Variants in ARHGEF33 observed in about 807,000 individuals in gnomAD.
The protein encoded by ARHGEF33 is Rho guanine nucleotide exchange factor 33.
A neutral mutation model predicts 101.9 loss-of-function variants in ARHGEF33; 72 were observed. The ratio of observed to expected loss-of-function variants is 0.71; its 90% CI spans 0.58 to 0.86. ARHGEF33 has a LOEUF of 0.86. ARHGEF33 is among the 40% of genes least tolerant of loss of function. The pLI, the probability that ARHGEF33 is intolerant of heterozygous loss-of-function variation, is 0.00. For missense variants in ARHGEF33, 1,169 were observed against 1,111.3 expected (o/e 1.05, Z -0.74); for synonymous variants, 499 against 442.5 (o/e 1.13, Z -1.60).
At chr2:38,901,076 C>T (rs1276978494) in intron 2 of ARHGEF33, among the ~76,000 whole-genome samples, 1 of 152,104 alleles carries the variant, frequency 6.6e-6, no homozygotes, top group African/African-American at 2.4e-5. Context: ...ATTTAGGATA[C>T]CCCACTCTCA....
chr2:38,925,955 T>C (rs1007574142), intron 4 of ARHGEF33, among the ~76,000 whole-genome samples: 1 of 151,042 alleles, frequency 6.6e-6, no homozygotes, highest in Non-Finnish European at 1.5e-5. Context: ...GGATCTTTCA[T>C]GAAAAAAAAA....
chr2:38,960,661 C>T lies in ARHGEF33; in HGVS notation c.2343+13C>T, dbSNP rs777670751. The T allele has an allele frequency of 1.4e-6, 2 of 1,397,596 alleles. No homozygotes were observed. Among genetic ancestry groups the T allele is most frequent in the South Asian group, 2.6e-5 (2 of 76,510 alleles). The allele number at this position is 1,397,596 out of a possible 1,614,324, so 86.6% of individuals were successfully genotyped here. On this transcript the variant is annotated intron_variant, in intron 16 of 17. Transcript: ENST00000409978. ...GGAAGTAAGGAGGGTAAAGTAAAAC[C>T]GAACCGAAACCCACAGCGTCGACGG...
chr2:38,968,030 T>C lies in ARHGEF33; in HGVS notation c.2483+1885T>C, dbSNP rs531592221. On this transcript the variant is annotated intron_variant, in intron 17 of 17. Transcript: ENST00000409978. ...ACTGTCATTTATAATGACTGGGTGCTGTCTATTGGAAAACAATGAGCAATA... is the reference window on the plus strand; with the variant it reads ...ACTGTCATTTATAATGACTGGGTGCCGTCTATTGGAAAACAATGAGCAATA... Among the ~76,000 whole-genome samples, 6 of 151,170 alleles carry C rather than the reference T, an allele frequency of 4.0e-5. No homozygotes were observed. In the East Asian group the frequency reaches 1.2e-3, roughly 30 times the overall value.
chr2:38,905,380 G>A (rs1182446348), intron 2 of ARHGEF33, among the ~76,000 whole-genome samples: 2 of 152,186 alleles, frequency 1.3e-5, no homozygotes, highest in African/African-American at 2.4e-5. Flanking sequence ...GGAGGGCTGG[G>A]GAAGGGAGGC....
chr2:38,961,545 C>CCCTT, intron 16 of ARHGEF33, among the ~76,000 whole-genome samples: 1 of 152,288 alleles, frequency 6.6e-6, no homozygotes, highest in South Asian at 2.1e-4. Context: ...TGTGCGACCA[C>CCCTT]CCTTCCGTTC....
chr2:38,957,421 G>A (rs1026791133), intron 14 of ARHGEF33, among the ~76,000 whole-genome samples: 2 of 152,172 alleles, frequency 1.3e-5, no homozygotes, highest in Admixed American at 6.5e-5. Context: ...TGTGTGTCAG[G>A]CACTGTTCCA....
At chr2:38,898,368 C>T (rs1372944798) in intron 2 of ARHGEF33, among the ~76,000 whole-genome samples, 3 of 152,176 alleles carry the variant, frequency 2.0e-5, no homozygotes, top group Non-Finnish European at 2.9e-5. Flanking sequence ...TGCAGTAAGT[C>T]CCATGCACAG....
chr2:38,931,006 C>T, intron 6 of ARHGEF33, 103 bp from the exon 7 acceptor site: 2 of 890,814 alleles, frequency 2.2e-6, no homozygotes, highest in Non-Finnish European at 3.3e-6. Context: ...ATAGTTCAAC[C>T]TAATAATTCA....
intron 16 of ARHGEF33, among the ~76,000 whole-genome samples, chr2:38,961,187 A>AGG (rs1667929500): frequency 1.3e-5 from 2 of 152,184 alleles, no homozygotes; most frequent in Non-Finnish European, 2.9e-5. Context: ...GCCCTAGCTC[A>AGG]AGGTAGACTC....
chr2:38,953,977 C>A (rs1470952086), intron 12 of ARHGEF33, among the ~76,000 whole-genome samples: 1 of 152,232 alleles, frequency 6.6e-6, no homozygotes, highest in Admixed American at 6.5e-5. Flanking sequence ...CTCCCTTTTC[C>A]ATTGTCCTGA....
At chr2:38,970,464 C>T (rs1382506594) in intron 17 of ARHGEF33, among the ~76,000 whole-genome samples, 2 of 152,226 alleles carry the variant, frequency 1.3e-5, no homozygotes, top group Non-Finnish European at 2.9e-5. Flanking sequence ...CTCTTACCCA[C>T]TTTGGGGTTC....
intron 10 of ARHGEF33, 59 bp from the exon 11 acceptor site, chr2:38,950,930 G>A: frequency 1.3e-6 from 2 of 1,500,172 alleles, no homozygotes; most frequent in African/African-American, 2.8e-5. Context: ...ATGTATTTTT[G>A]TAGGGTCCTT....
chr2:38,915,459 ACTGCAAT>A (rs1666609685), intron 2 of ARHGEF33, among the ~76,000 whole-genome samples: 1 of 141,432 alleles, frequency 7.1e-6, no homozygotes, highest in African/African-American at 2.7e-5. Context: ...ATCTCGGCTC[ACTGCAAT>A]CTCTGCCTCC....
At chr2:38,935,352 T>C (rs971870633) in intron 7 of ARHGEF33, among the ~76,000 whole-genome samples, 113 of 134,904 alleles carry the variant, frequency 8.4e-4, no homozygotes, top group African/African-American at 3.0e-3. Context: ...GGCTAATTTC[T>C]GGGTTTTTTT....
chr2:38,940,688 G>A (rs1050281083), intron 9 of ARHGEF33, among the ~76,000 whole-genome samples: 16 of 152,176 alleles, frequency 1.1e-4, no homozygotes, highest in South Asian at 2.1e-4. Context: ...CCTTCTTGCC[G>A]GCTTGCTGTG....
intron 4 of ARHGEF33, among the ~76,000 whole-genome samples, chr2:38,923,971 A>G (rs1666814189): frequency 6.6e-6 from 1 of 152,370 alleles, no homozygotes; most frequent in African/African-American, 2.4e-5. Context: ...CCACATTACA[A>G]TTTAAACTAT....
chr2:38,930,946 A>G (rs1429965488), intron 6 of ARHGEF33, among the ~76,000 whole-genome samples, 163 bp from the exon 7 acceptor site: 1 of 152,238 alleles, frequency 6.6e-6, no homozygotes, highest in East Asian at 1.9e-4. Context: ...GTTGAACCAT[A>G]TGAATTGCTA....
In ARHGEF33 at chr2:38,965,987, C is replaced by T; in HGVS notation, c.2344-19C>T. 2.6e-6 allele frequency: 4 copies of T among 1,549,924 alleles called. No homozygotes were observed. The highest frequency in any genetic ancestry group is 3.5e-6 in the Non-Finnish European group (4 of 1,146,328). ...CATTGGAAGGAGTAAAGAAAAAAAT[C>T]CCTCTTTTTTGTTTCCAGGAGATGC... On this transcript the variant is annotated intron_variant, in intron 16 of 17. Coordinates refer to ENST00000409978, the MANE Select transcript of ARHGEF33 (RefSeq NM_001145451.5).
chr2:38,941,672 C>T (rs1468865523), intron 9 of ARHGEF33, among the ~76,000 whole-genome samples: 1 of 151,834 alleles, frequency 6.6e-6, no homozygotes, highest in Admixed American at 6.6e-5. Context: ...CTCAGCCTCC[C>T]GAGTAGCTGG....
Sources: gnomAD v4.1 joint callset for allele counts (sites outside exome capture counted in the v4.1 genomes callset) on GRCh38, gnomAD v4.1.1 for gene constraint, MANE v1.5 for transcripts, NCBI Gene and HGNC (gene_info 2026-07-23, HGNC 2026-07-21) for gene names.